Variants in ZNF423 observed in about 807,000 individuals in gnomAD.
ZNF423 encodes Ebf-associated zinc finger protein.
ZNF423 carries 12 observed loss-of-function variants against 95.8 expected under a neutral mutation model. The observed-to-expected ratio is 0.13, with a 90% CI of 0.08 to 0.20. The LOEUF is 0.20. ZNF423 is among the 10% of genes least tolerant of loss of function. ZNF423 has a pLI of 1.00. For missense variants in ZNF423, 1,316 were observed against 1,737.1 expected (o/e 0.76, Z 4.31); for synonymous variants, 749 against 711.9 (o/e 1.05, Z -0.83).
intron 3 of ZNF423, among the ~76,000 whole-genome samples, chr16:49,726,550 G>A (rs139102492): frequency 1.2e-3 from 181 of 152,230 alleles, no homozygotes; most frequent in African/African-American, 3.9e-3. Context: ...AAATTATGAC[G>A]TTATTTGTTC....
chr16:49,674,363 C>T (rs1596831469), intron 3 of ZNF423, among the ~76,000 whole-genome samples: 3 of 152,230 alleles, frequency 2.0e-5, no homozygotes, highest in South Asian at 2.1e-4. Context: ...AGTGTGTTCT[C>T]GGCTGGGGAG....
chr16:49,564,608 G>T (rs1270416780), intron 5 of ZNF423, among the ~76,000 whole-genome samples: 2 of 152,262 alleles, frequency 1.3e-5, no homozygotes, highest in East Asian at 3.8e-4. Context: ...GACAAAAGTA[G>T]ATCTGTGCAG....
At chr16:49,599,633 C>A (rs886426075) in intron 5 of ZNF423, among the ~76,000 whole-genome samples, 1 of 152,156 alleles carries the variant, frequency 6.6e-6, no homozygotes, top group Non-Finnish European at 1.5e-5. Context: ...GTAAAATGCA[C>A]ATTTTCCCAT....
intron 6 of ZNF423, among the ~76,000 whole-genome samples, chr16:49,524,629 G>A (rs980877518): frequency 2.6e-5 from 4 of 152,216 alleles, no homozygotes; most frequent in Non-Finnish European, 5.9e-5. Context: ...AGCCCTGAGC[G>A]CACCCAGGAG....
chr16:49,538,456 T>A (rs549961537), intron 5 of ZNF423, among the ~76,000 whole-genome samples: 23 of 152,288 alleles, frequency 1.5e-4, no homozygotes, highest in Admixed American at 7.2e-4. Flanking sequence ...CCCCACCTCA[T>A]CATGACTGCT....
chr16:49,492,400 A>G lies in ZNF423; in HGVS notation c.3850-1096T>C, dbSNP rs923523078. ...CTGACCGCCAGGGGTCAGCAGAGGCACCGCGTCTCTCCTGGGCTCGGGTCC... is the reference window on the plus strand; with the variant it reads ...CTGACCGCCAGGGGTCAGCAGAGGCGCCGCGTCTCTCCTGGGCTCGGGTCC... On this transcript the variant is annotated intron_variant, in intron 7 of 7. Coordinates refer to ENST00000563137, the MANE Select transcript of ZNF423 (RefSeq NM_001379286.1). This position sits in a 1 kb window ranked among gnomAD's most constrained non-coding sequence, Gnocchi z 4.2. 2.6e-5 allele frequency among the ~76,000 whole-genome samples: 4 copies of G among 152,086 alleles called. No individual in the cohort carries two copies. The highest frequency in any genetic ancestry group is 7.2e-5 in the African/African-American group (3 of 41,426).
Position 49,636,502 on chromosome 16 carries a change from G to T in ZNF423, c.2674C>A (p.Pro892Thr). ...CCACAGATGTCACAGCCGTACATGG[G>T]CTCCGACGCGTCCACGTCATCCTCG... ...ASEDDVDASE[P>T]MYGCDICGAA... Residue 892 changes from proline (P) to threonine (T), a missense_variant, in exon 4 of 8, where the codon CCC (proline) becomes ACC (threonine). Around this residue, in one of 6 missense-constraint regions of ZNF423, gnomAD observed 620 missense variants for 775.6 expected, o/e 0.80. Transcript: ENST00000563137. This position sits in a 1 kb window ranked among gnomAD's most constrained non-coding sequence, Gnocchi z 8.6. 6.2e-7 allele frequency: 1 copy of T among 1,613,722 alleles called. No individual in the cohort carries two copies. The highest frequency in any genetic ancestry group is 8.5e-7 in the Non-Finnish European group (1 of 1,180,022).
intron 3 of ZNF423, among the ~76,000 whole-genome samples, chr16:49,697,325 T>A (rs1399452056): frequency 6.6e-6 from 1 of 152,146 alleles, no homozygotes; most frequent in East Asian, 1.9e-4. Context: ...CCAGGAATCC[T>A]GTGCAAGGGA....
intron 1 of ZNF423, among the ~76,000 whole-genome samples, chr16:49,838,622 C>T (rs1326522859): frequency 6.6e-6 from 1 of 152,112 alleles, no homozygotes; most frequent in African/African-American, 2.4e-5. Flanking sequence ...CCAAGGGCGG[C>T]ACCAGCTGTG....
chr16:49,598,626 G>A (rs1971258235), intron 5 of ZNF423, among the ~76,000 whole-genome samples: 1 of 152,230 alleles, frequency 6.6e-6, no homozygotes, highest in Non-Finnish European at 1.5e-5. Flanking sequence ...CACTGTACAG[G>A]AAACTGAGCA....
chr16:49,606,003 T>C (rs1971524581), intron 5 of ZNF423, among the ~76,000 whole-genome samples: 1 of 152,152 alleles, frequency 6.6e-6, no homozygotes, highest in South Asian at 2.1e-4. Flanking sequence ...GTAATGAGAA[T>C]GCAACAGGGG....
chr16:49,840,336 G>C (rs1275042780), intron 1 of ZNF423, among the ~76,000 whole-genome samples: 3 of 152,092 alleles, frequency 2.0e-5, no homozygotes, highest in East Asian at 3.8e-4. Context: ...CTCTTTTTGG[G>C]GGGGTGGAAC....
intron 1 of ZNF423, among the ~76,000 whole-genome samples, chr16:49,848,691 T>C (rs1409279298): frequency 6.6e-6 from 1 of 152,218 alleles, no homozygotes. Context: ...TTTTCAATTA[T>C]TGGAGAAAAA....
chr16:49,851,101 G>A (rs1268100881), intron 1 of ZNF423, among the ~76,000 whole-genome samples: 1 of 152,240 alleles, frequency 6.6e-6, no homozygotes, highest in Non-Finnish European at 1.5e-5. Flanking sequence ...AGCACTCTCA[G>A]CATCTGCGGC....
chr16:49,740,416 C>T (rs1480278761), intron 2 of ZNF423, among the ~76,000 whole-genome samples: 4 of 152,232 alleles, frequency 2.6e-5, no homozygotes, highest in African/African-American at 7.2e-5. Context: ...ACCCCAATTC[C>T]GCACTCGGCT....
chr16:49,680,891 A>C, intron 3 of ZNF423, among the ~76,000 whole-genome samples: 1 of 152,216 alleles, frequency 6.6e-6, no homozygotes, highest in East Asian at 1.9e-4. Context: ...TGCTGGCCAC[A>C]GAGGTTTCTG....
intron 1 of ZNF423, among the ~76,000 whole-genome samples, chr16:49,815,137 T>C (rs541399665): frequency 3.3e-5 from 5 of 152,248 alleles, no homozygotes; most frequent in African/African-American, 1.2e-4. Flanking sequence ...CTCTCAGAAC[T>C]TGAGTTTCTT....
At chr16:49,846,350 C>A (rs1233144844) in intron 1 of ZNF423, among the ~76,000 whole-genome samples, 2 of 151,028 alleles carry the variant, frequency 1.3e-5, no homozygotes, top group Non-Finnish European at 2.9e-5. Flanking sequence ...AGGTAGTGAG[C>A]GCCCTGCGAG....
At chr16:49,685,225 C>T (rs2031519302) in intron 3 of ZNF423, among the ~76,000 whole-genome samples, 1 of 152,212 alleles carries the variant, frequency 6.6e-6, no homozygotes, top group Non-Finnish European at 1.5e-5. Flanking sequence ...CTTCCCCCAT[C>T]AAGCAGCATC....
Sources: gnomAD v4.1 joint callset for allele counts (sites outside exome capture counted in the v4.1 genomes callset) on GRCh38, gnomAD v4.1.1 for gene constraint, gnomAD v4.1.1 regional missense constraint, Gnocchi (gnomAD v3.1) non-coding constraint, MANE v1.5 for transcripts, NCBI Gene and HGNC (gene_info 2026-07-23, HGNC 2026-07-21) for gene names.